The following CDH13 variants were observed in gnomAD, a reference collection of about 807,000 sequenced individuals.
The protein encoded by CDH13 is cadherin-13.
Under a neutral mutation model 63.8 loss-of-function variants are expected in CDH13, and 24 were observed. The observed-to-expected ratio is 0.38, with a 90% CI of 0.27 to 0.53. The LOEUF (loss-of-function observed/expected upper bound fraction) is 0.53, where lower values mean the gene tolerates loss of function less well. Among genes scored for constraint, CDH13 ranks in the 20% least tolerant of loss-of-function variants. CDH13 has a pLI of 0.85. For synonymous variants in CDH13, 503 were observed against 355.3 expected (o/e 1.42, Z -4.67); for missense variants, 1,049 against 903.1 (o/e 1.16, Z -2.07).
intron 6 of CDH13, among the ~76,000 whole-genome samples, chr16:83,383,894 G>C (rs1055329134): frequency 6.6e-6 from 1 of 152,168 alleles, no homozygotes; most frequent in African/African-American, 2.4e-5. Flanking sequence ...GGCTGCTGGA[G>C]TGTCACTGCT....
intron 5 of CDH13, among the ~76,000 whole-genome samples, chr16:83,266,240 C>G (rs185227725): frequency 4.3e-4 from 65 of 152,252 alleles, no homozygotes; most frequent in African/African-American, 1.5e-3. Context: ...CACACACATA[C>G]TCATATTTGC....
At chr16:83,357,120 G>A (rs911997711) in intron 6 of CDH13, among the ~76,000 whole-genome samples, 1 of 152,110 alleles carries the variant, frequency 6.6e-6, no homozygotes, top group African/African-American at 2.4e-5. Context: ...AAAAAGGCCT[G>A]CTTTTCAGAA....
intron 4 of CDH13, among the ~76,000 whole-genome samples, chr16:83,165,231 T>C (rs1288274680): frequency 6.6e-6 from 1 of 152,086 alleles, no homozygotes; most frequent in Admixed American, 6.6e-5. Context: ...CAGTAGAGTA[T>C]ACCCCTACAA....
intron 10 of CDH13, among the ~76,000 whole-genome samples, chr16:83,681,318 G>C (rs1430282380): frequency 6.6e-6 from 1 of 152,194 alleles, no homozygotes; most frequent in Non-Finnish European, 1.5e-5. Flanking sequence ...TGTCTCTGCA[G>C]CTGGTCTAAG....
intron 8 of CDH13, among the ~76,000 whole-genome samples, chr16:83,665,282 C>A (rs1913839728): frequency 6.6e-6 from 1 of 152,112 alleles, no homozygotes; most frequent in African/African-American, 2.4e-5. Context: ...GGGGTTTAAA[C>A]CAAATTCTCC....
chr16:83,048,354 A>G (rs1225934281), intron 3 of CDH13, among the ~76,000 whole-genome samples: 2 of 152,190 alleles, frequency 1.3e-5, no homozygotes, highest in Non-Finnish European at 2.9e-5. Context: ...GAATTTCTGA[A>G]ACACAGGATG....
intron 2 of CDH13, among the ~76,000 whole-genome samples, chr16:82,904,079 G>C (rs769439354): frequency 6.6e-6 from 1 of 152,010 alleles, no homozygotes; most frequent in East Asian, 1.9e-4. Flanking sequence ...CAAATTAACT[G>C]GTGCTAATTA....
chr16:83,761,470 G>A (rs762087194), intron 11 of CDH13, among the ~76,000 whole-genome samples: 5 of 152,184 alleles, frequency 3.3e-5, no homozygotes, highest in African/African-American at 7.2e-5. Flanking sequence ...AGACTCCAGC[G>A]CAGGCATGTA....
At chr16:83,476,882 A>C (rs958128111) in intron 6 of CDH13, among the ~76,000 whole-genome samples, 1 of 152,240 alleles carries the variant, frequency 6.6e-6, no homozygotes, top group Non-Finnish European at 1.5e-5. Context: ...AACATCATTT[A>C]ATTCAGCATA....
At chr16:83,083,262 T>C (rs2033376112) in intron 3 of CDH13, among the ~76,000 whole-genome samples, 1 of 152,240 alleles carries the variant, frequency 6.6e-6, no homozygotes, top group East Asian at 1.9e-4. Flanking sequence ...GGTGTTTTTA[T>C]GTGTAGTCAC....
chr16:83,114,987 C>T (rs2035226817), intron 3 of CDH13, among the ~76,000 whole-genome samples: 1 of 152,284 alleles, frequency 6.6e-6, no homozygotes, highest in East Asian at 1.9e-4. Context: ...ATTAAGCTGT[C>T]CCCCTGCAGT....
chr16:82,835,346 A>G (rs915151470), intron 1 of CDH13, among the ~76,000 whole-genome samples: 3 of 152,154 alleles, frequency 2.0e-5, no homozygotes, highest in African/African-American at 7.2e-5. Context: ...AATGCTCCGT[A>G]TAAATCTTGG....
chr16:83,156,659 T>A (rs2037219773), intron 4 of CDH13, among the ~76,000 whole-genome samples: 1 of 152,230 alleles, frequency 6.6e-6, no homozygotes, highest in Non-Finnish European at 1.5e-5. Flanking sequence ...TTTACTCACC[T>A]GCTGCCAGGG....
chr16:83,372,749 TAAAAAAAAAAAA>T (rs35480546), intron 6 of CDH13, among the ~76,000 whole-genome samples: 22 of 95,576 alleles, frequency 2.3e-4, no homozygotes, highest in African/African-American at 9.1e-4. Flanking sequence ...AGACTCGGTC[TAAAAAAAAAAAA>T]AAAAAAAAAA....
intron 2 of CDH13, among the ~76,000 whole-genome samples, chr16:82,931,661 G>A (rs1409719849): frequency 6.6e-6 from 1 of 152,094 alleles, no homozygotes; most frequent in East Asian, 1.9e-4. Context: ...GGCTGGGGAG[G>A]CCTCACAATC....
intron 7 of CDH13, among the ~76,000 whole-genome samples, chr16:83,538,981 C>T (rs1212880279): frequency 2.6e-5 from 4 of 152,158 alleles, no homozygotes; most frequent in African/African-American, 4.8e-5. Flanking sequence ...GTGGTCTATT[C>T]TGAGGACTTT....
intron 2 of CDH13, among the ~76,000 whole-genome samples, chr16:82,876,617 G>T (rs1352433939): frequency 6.6e-6 from 1 of 152,160 alleles, no homozygotes; most frequent in Admixed American, 6.5e-5. Flanking sequence ...TTGGGCATTG[G>T]TCTGTGGACC....
chr16:82,957,247 C>G lies in CDH13; in HGVS notation c.158-74763C>G, dbSNP rs180703191. 2.1e-3 allele frequency among the ~76,000 whole-genome samples: 320 copies of G among 152,286 alleles called. 2 individuals carry two copies. Among genetic ancestry groups the G allele is most frequent in the Middle Eastern group, 0.017 (5 of 294 alleles). The stretch of plus-strand genomic sequence containing the variant: ...CTGTTGACCATATGACTAAATCTAG[C>G]TGCAAGGAAAATCAAGAGCTATTGG... On this transcript the variant is annotated intron_variant, in intron 2 of 13. Coordinates refer to ENST00000567109, the MANE Select transcript of CDH13 (RefSeq NM_001257.5).
At chr16:82,847,054 C>T (rs1007016317) in intron 1 of CDH13, among the ~76,000 whole-genome samples, 3 of 152,260 alleles carry the variant, frequency 2.0e-5, no homozygotes, top group East Asian at 3.9e-4. Flanking sequence ...TTCCCCACCT[C>T]GCCTTCAAAT....
Sources: gnomAD v4.1 joint callset for allele counts (sites outside exome capture counted in the v4.1 genomes callset) on GRCh38, gnomAD v4.1.1 for gene constraint, MANE v1.5 for transcripts, NCBI Gene and HGNC (gene_info 2026-07-23, HGNC 2026-07-21) for gene names.